Variants in RBM20 observed in about 807,000 individuals in gnomAD.
The protein encoded by RBM20 is RNA binding motif protein 20.
Under a neutral mutation model 110.1 loss-of-function variants are expected in RBM20, and 51 were observed. The observed-to-expected ratio is 0.46, with a 90% CI of 0.37 to 0.59. The LOEUF is 0.59. Ranked by LOEUF, RBM20 falls within the 20% of genes least tolerant of loss-of-function variation. The pLI is 0.00. For synonymous variants in RBM20, 589 were observed against 618.2 expected, an observed-to-expected ratio of 0.95 and a Z score of 0.70; for missense variants, 1,512 against 1,574.9, an observed-to-expected ratio of 0.96 and a Z score of 0.68.
intron 1 of RBM20, among the ~76,000 whole-genome samples, chr10:110,701,549 C>A (rs1212123713): frequency 2.0e-5 from 3 of 152,166 alleles, no homozygotes; most frequent in Non-Finnish European, 4.4e-5. Flanking sequence ...AGTTCAGGTC[C>A]AGCCCTCCTT....
chr10:110,813,516 A>C (rs1844802189), intron 9 of RBM20, among the ~76,000 whole-genome samples: 1 of 152,190 alleles, frequency 6.6e-6, no homozygotes, highest in African/African-American at 2.4e-5. Flanking sequence ...AGAGCTGTCC[A>C]CAGTGTTTTA....
In RBM20 at chr10:110,812,128, C is replaced by CCACT. The variant is rs2135103233; in HGVS notation, c.1881-148_1881-145dup. On this transcript the variant is annotated intron_variant, in intron 8 of 13. Transcript: ENST00000369519. ...AGGGAGGAAAAGGCTTTCTCCTGAA[C>CCACT]CACTCTGTGTGGTTCTGTAGAGTTG... 5.4e-6 allele frequency: 4 copies of CCACT among 745,504 alleles called. No homozygotes were observed. In the South Asian group the frequency reaches 7.9e-5, roughly 15 times the overall value. The allele number at this position is 745,504 out of a possible 1,614,324, so 46.2% of individuals were successfully genotyped here.
intron 12 of RBM20, among the ~76,000 whole-genome samples, chr10:110,829,587 C>T (rs1845022978): frequency 6.6e-6 from 1 of 152,168 alleles, no homozygotes; most frequent in Admixed American, 6.5e-5. Context: ...CAGAGCTGCC[C>T]TTCACACTGA....
chr10:110,685,357 A>T (rs1862487671), intron 1 of RBM20, among the ~76,000 whole-genome samples: 1 of 151,992 alleles, frequency 6.6e-6, no homozygotes, highest in Non-Finnish European at 1.5e-5. Context: ...CGACTTGGAG[A>T]CTGGTGACAA....
chr10:110,732,767 G>T (rs1843632585), intron 1 of RBM20, among the ~76,000 whole-genome samples: 1 of 152,108 alleles, frequency 6.6e-6, no homozygotes, highest in African/African-American at 2.4e-5. Context: ...TGAGAACTTG[G>T]TCTCCTGAGT....
At position 110,716,152 on chromosome 10, in the gene RBM20, C is replaced by G. The variant is rs148649029; in HGVS notation, c.192-64649C>G. 3.9e-4 allele frequency among the ~76,000 whole-genome samples: 59 copies of G among 152,360 alleles called. 2 individuals are homozygous for G. In the East Asian group the frequency reaches 0.01, roughly 27 times the overall value. On this transcript the variant is annotated intron_variant, in intron 1 of 13. Transcript: ENST00000369519. ...GACTAATCAATAATTTAGGCATCCT[C>G]TGTGTGAAGGTCTTGGTCTTTTCTC...
At chr10:110,741,217 A>G in intron 1 of RBM20, among the ~76,000 whole-genome samples, 1 of 152,198 alleles carries the variant, frequency 6.6e-6, no homozygotes, top group South Asian at 2.1e-4. Flanking sequence ...CTTCCCAGTC[A>G]AGAAGCACCT....
chr10:110,667,678 A>T (rs1862198100), intron 1 of RBM20, among the ~76,000 whole-genome samples: 1 of 152,118 alleles, frequency 6.6e-6, no homozygotes, highest in African/African-American at 2.4e-5. Flanking sequence ...ACAGGGCTTC[A>T]TCCTGGCAGT....
chr10:110,803,266 T>C (rs1564851400), intron 7 of RBM20, among the ~76,000 whole-genome samples: 2 of 152,222 alleles, frequency 1.3e-5, no homozygotes, highest in East Asian at 1.9e-4. Context: ...AGAGCTATGA[T>C]TAAAACTTAG....
chr10:110,812,739 G>T lies in RBM20; in HGVS notation c.2342G>T (p.Arg781Met). ...AAGCAGCAGCAGGATGCCCCCGGGA[G>T]GTCCAGGAGGAAAGACGAGGCCAGG... Reference protein sequence around the residue: ...YLKQQQDAPGRSRRKDEARLR... With the variant: ...YLKQQQDAPGMSRRKDEARLR... The change falls in exon 9 of 14, where the codon AGG becomes ATG. Residue 781 changes from arginine to methionine, a missense_variant. Physicochemically the swap from Arg to Met is moderately conservative, Grantham distance 91 (BLOSUM62 -1). Coordinates refer to ENST00000369519, the MANE Select transcript of RBM20 (RefSeq NM_001134363.3). 1 of 1,551,772 alleles carries T rather than the reference G, an allele frequency of 6.4e-7. No individual in the cohort carries two copies. The highest frequency in any genetic ancestry group is 1.2e-5 in the South Asian group (1 of 84,062).
chr10:110,802,328 G>A (rs1657342182), intron 7 of RBM20, among the ~76,000 whole-genome samples: 1 of 150,842 alleles, frequency 6.6e-6, no homozygotes, highest in African/African-American at 2.4e-5. Flanking sequence ...TGCTTTGCTT[G>A]CATCATTGCC....
rs1844794265 is a variant in RBM20 at position 110,812,925 on chromosome 10, A to G, written c.2528A>G (p.Glu843Gly). Residue 843 changes from glutamate to glycine, a missense_variant, in exon 9 of 14, where the codon GAA (glutamate) becomes GGA (glycine). Physicochemically the swap from Glu to Gly is moderately conservative, Grantham distance 98 (BLOSUM62 -2). Coordinates refer to ENST00000369519, the MANE Select transcript of RBM20 (RefSeq NM_001134363.3). ...RDQEGADDRKENTMAENEAGK... is the reference protein window; with the variant it reads ...RDQEGADDRKGNTMAENEAGK... ...CAAGAAGGAGCTGATGATAGAAAAGAAAACACAATGGCAGAGAATGAGGTA... is the reference window on the plus strand; with the variant it reads ...CAAGAAGGAGCTGATGATAGAAAAGGAAACACAATGGCAGAGAATGAGGTA... The G allele has an allele frequency of 6.9e-7, 1 of 1,452,712 alleles. No homozygotes were observed. 90.0% of individuals were successfully genotyped at this position (1,452,712 alleles called of 1,614,324 possible).
intron 5 of RBM20, among the ~76,000 whole-genome samples, chr10:110,793,644 G>A (rs1844511796): frequency 6.6e-6 from 1 of 152,202 alleles, no homozygotes; most frequent in Non-Finnish European, 1.5e-5. Flanking sequence ...ATTTGAACAT[G>A]GTCTGATCGT....
intron 1 of RBM20, among the ~76,000 whole-genome samples, chr10:110,680,550 G>A (rs1862408085): frequency 6.6e-6 from 1 of 152,208 alleles, no homozygotes; most frequent in Non-Finnish European, 1.5e-5. Flanking sequence ...GCTGGGTTGT[G>A]TGTTCAGTGG....
At chr10:110,816,051 T>C (rs1590698357) in intron 9 of RBM20, among the ~76,000 whole-genome samples, 1 of 152,178 alleles carries the variant, frequency 6.6e-6, no homozygotes, top group Non-Finnish European at 1.5e-5. Flanking sequence ...AGATAACAGG[T>C]GGCAACTGAA....
chr10:110,833,215 C>A (rs1845078464), intron 13 of RBM20, among the ~76,000 whole-genome samples: 1 of 151,654 alleles, frequency 6.6e-6, no homozygotes, highest in Admixed American at 6.6e-5. Context: ...AGTGTGAAAT[C>A]CCGTCTCTAC....
At position 110,780,819 on chromosome 10, in the gene RBM20, C is replaced by A; in HGVS notation, c.210C>A (p.Asp70Glu). The A allele has an allele frequency of 6.5e-7, 1 of 1,528,482 alleles. No individual in the cohort carries two copies. The highest frequency in any genetic ancestry group is 1.7e-4 in the Middle Eastern group (1 of 5,870). The allele number at this position is 1,528,482 out of a possible 1,614,324, so 94.7% of individuals were successfully genotyped here. Reference protein sequence around the residue: ...QIIQNAAKLLDKNPFSVSNPN... With the variant: ...QIIQNAAKLLEKNPFSVSNPN... ...CCCACAGTGCCGCCAAGCTCCTGGA[C>A]AAGAACCCATTCTCGGTCAGTAACC... Residue 70 changes from aspartate (D) to glutamate (E), a missense_variant, in exon 2 of 14, where the codon GAC becomes GAA. Asp to Glu is a conservative substitution (Grantham distance 45). This residue lies in a region of RBM20 where 1,149 missense variants were observed against 1,169.4 expected (regional missense o/e 0.98). Transcript: ENST00000369519.
chr10:110,773,348 G>A (rs1844218880), intron 1 of RBM20, among the ~76,000 whole-genome samples: 1 of 152,136 alleles, frequency 6.6e-6, no homozygotes, highest in Non-Finnish European at 1.5e-5. Context: ...AGTCTCAAAG[G>A]GGGCTTCAGC....
At chr10:110,700,304 C>T (rs1458136743) in intron 1 of RBM20, among the ~76,000 whole-genome samples, 2 of 152,096 alleles carry the variant, frequency 1.3e-5, no homozygotes, top group South Asian at 2.1e-4. Context: ...TTCACTTGGG[C>T]GCTTCAGATT....
Sources: gnomAD v4.1 joint callset for allele counts (sites outside exome capture counted in the v4.1 genomes callset) on GRCh38, gnomAD v4.1.1 for gene constraint, gnomAD v4.1.1 regional missense constraint, MANE v1.5 for transcripts, NCBI Gene and HGNC (gene_info 2026-07-23, HGNC 2026-07-21) for gene names.